PDE4B: variants seen among roughly 807,000 people sequenced by gnomAD.
PDE4B encodes phosphodiesterase 4B, also known as 3',5'-cyclic-AMP phosphodiesterase 4B.
A neutral mutation model predicts 82.2 loss-of-function variants in PDE4B; 20 were observed. The observed-to-expected ratio is 0.24, with a 90% CI of 0.17 to 0.35. The LOEUF (loss-of-function observed/expected upper bound fraction) is 0.35, where lower values mean the gene tolerates loss of function less well. Ranked by LOEUF, PDE4B falls within the 10% of genes least tolerant of loss-of-function variation. The pLI, the probability that PDE4B is intolerant of heterozygous loss-of-function variation, is 1.00. For synonymous variants in PDE4B, 320 were observed against 318.9 expected (o/e 1.00, Z -0.04); for missense variants, 655 against 907.2 (o/e 0.72, Z 3.57).
chr1:66,339,613 G>T (rs760506915), intron 8 of PDE4B, among the ~76,000 whole-genome samples: 1 of 152,160 alleles, frequency 6.6e-6, no homozygotes, highest in Non-Finnish European at 1.5e-5. Flanking sequence ...TGATAAGAGA[G>T]CATAATAGTC....
intron 3 of PDE4B, among the ~76,000 whole-genome samples, chr1:66,084,330 C>T (rs760143374): frequency 9.2e-5 from 14 of 152,076 alleles, no homozygotes; most frequent in Admixed American, 7.9e-4. Flanking sequence ...GCAAATCAAT[C>T]GCTCATAAGC....
intron 3 of PDE4B, among the ~76,000 whole-genome samples, chr1:65,954,024 A>G (rs1168991112): frequency 6.6e-6 from 1 of 151,946 alleles, no homozygotes; most frequent in Non-Finnish European, 1.5e-5. Context: ...TCAGCCTCCC[A>G]GGTAGCTGGG....
At chr1:66,089,281 A>C (rs912173674) in intron 3 of PDE4B, among the ~76,000 whole-genome samples, 14 of 152,154 alleles carry the variant, frequency 9.2e-5, no homozygotes, top group Non-Finnish European at 1.9e-4. Flanking sequence ...CGTAGCCGCT[A>C]TTAAAGTCTG....
intron 3 of PDE4B, among the ~76,000 whole-genome samples, chr1:65,956,269 A>G (rs1649255293): frequency 6.6e-6 from 1 of 152,132 alleles, no homozygotes; most frequent in South Asian, 2.1e-4. Context: ...TTTGAAGAGC[A>G]GTATTTTTAG....
intron 1 of PDE4B, among the ~76,000 whole-genome samples, chr1:65,803,390 A>G (rs1173036444): frequency 6.6e-6 from 1 of 152,228 alleles, no homozygotes; most frequent in African/African-American, 2.4e-5. Flanking sequence ...TAATGTGTAA[A>G]GAAGATGATG....
At chr1:65,894,821 A>G (rs983338495) in intron 1 of PDE4B, among the ~76,000 whole-genome samples, 2 of 152,208 alleles carry the variant, frequency 1.3e-5, no homozygotes, top group Non-Finnish European at 2.9e-5. Flanking sequence ...GTGAGATACT[A>G]CTATACTCCC....
chr1:66,289,243 G>A (rs993230620), intron 7 of PDE4B, among the ~76,000 whole-genome samples: 1 of 152,064 alleles, frequency 6.6e-6, no homozygotes, highest in Admixed American at 6.6e-5. Context: ...TTTCCAACCT[G>A]AGTGACAGAG....
rs536544324 is a variant in PDE4B, at chr1:66,086,930, A to G, written c.282-160530A>G. On this transcript the variant is annotated intron_variant, in intron 3 of 16. Coordinates refer to ENST00000341517, the MANE Select transcript of PDE4B (RefSeq NM_002600.4). ...AAGAGTGATATTTCAGTTAGGTCTTAAAGGACTGAGTGGAAATTCACCAGA... is the reference window on the plus strand; with the variant it reads ...AAGAGTGATATTTCAGTTAGGTCTTGAAGGACTGAGTGGAAATTCACCAGA... 3.9e-5 allele frequency among the ~76,000 whole-genome samples: 6 copies of G among 152,256 alleles called. No individual in the cohort carries two copies. The South Asian group carries it at 1.2e-3, about 32-fold the overall frequency.
At chr1:65,814,196 C>G (rs1187967592) in intron 1 of PDE4B, among the ~76,000 whole-genome samples, 2 of 152,180 alleles carry the variant, frequency 1.3e-5, no homozygotes. Flanking sequence ...GGAAACAGCT[C>G]AGGGTGTGTG....
intron 16 of PDE4B, among the ~76,000 whole-genome samples, chr1:66,369,613 C>T (rs1350717828): frequency 6.6e-6 from 1 of 152,156 alleles, no homozygotes; most frequent in East Asian, 1.9e-4. Flanking sequence ...TATCAGTATC[C>T]ATACAAAGAT....
intron 3 of PDE4B, among the ~76,000 whole-genome samples, chr1:66,012,474 A>T (rs1652540056): frequency 6.6e-6 from 1 of 152,064 alleles, no homozygotes; most frequent in African/African-American, 2.4e-5. Context: ...TAGGAATAAC[A>T]CTTGAGTTTA....
chr1:66,231,513 T>G (rs908247652), intron 3 of PDE4B, among the ~76,000 whole-genome samples: 2 of 152,232 alleles, frequency 1.3e-5, no homozygotes, highest in Non-Finnish European at 2.9e-5. Context: ...TTCAGGGATG[T>G]CTGTATCAAA....
At chr1:66,306,878 G>T (rs1217244596) in intron 7 of PDE4B, among the ~76,000 whole-genome samples, 1 of 152,164 alleles carries the variant, frequency 6.6e-6, no homozygotes, top group Non-Finnish European at 1.5e-5. Flanking sequence ...TAATTGTGTG[G>T]TGCTGTGCAG....
At chr1:65,856,267 G>A (rs1169073947) in intron 1 of PDE4B, among the ~76,000 whole-genome samples, 1 of 152,062 alleles carries the variant, frequency 6.6e-6, no homozygotes, top group Non-Finnish European at 1.5e-5. Flanking sequence ...GTATACATGT[G>A]CCATGGTGGT....
intron 3 of PDE4B, among the ~76,000 whole-genome samples, chr1:65,955,075 G>A (rs2100581154): frequency 6.6e-6 from 1 of 152,138 alleles, no homozygotes; most frequent in Admixed American, 6.5e-5. Flanking sequence ...ACAGACGCTT[G>A]GCACTTGTGG....
In PDE4B at chr1:66,130,518, G is replaced by A. The variant is rs562364083; in HGVS notation, c.282-116942G>A. ...CCTCACAGACCCCCACTTAAGGACC[G>A]AACTACACTCACTCTCCCAGCTGTC... On this transcript the variant is annotated intron_variant, in intron 3 of 16. Transcript: ENST00000341517. Among the ~76,000 whole-genome samples the A allele has an allele frequency of 2.0e-5, 3 of 152,166 alleles. No homozygotes were observed. The South Asian group carries it at 6.2e-4, about 32-fold the overall frequency.
At chr1:66,195,682 C>T (rs966378401) in intron 3 of PDE4B, among the ~76,000 whole-genome samples, 1 of 152,112 alleles carries the variant, frequency 6.6e-6, no homozygotes, top group African/African-American at 2.4e-5. Flanking sequence ...TATTACCTAG[C>T]TCATAAGTTT....
rs1398984451 is a variant in PDE4B, at chr1:66,047,163, C to G, written c.281+128328C>G. 2.6e-5 allele frequency among the ~76,000 whole-genome samples: 4 copies of G among 151,780 alleles called. No individual in the cohort carries two copies. The South Asian group carries it at 6.2e-4, about 24-fold the overall frequency. On this transcript the variant is annotated intron_variant, in intron 3 of 16. Transcript: ENST00000341517. The stretch of plus-strand genomic sequence containing the variant: ...CCATCTTTTAAGCTTTCTGTTCTTC[C>G]TTTGAGAGACAGCCCAGCATAGGGA...
At chr1:65,924,114 G>A (rs1312261853) in intron 3 of PDE4B, among the ~76,000 whole-genome samples, 2 of 53,834 alleles carry the variant, frequency 3.7e-5, no homozygotes, top group African/African-American at 1.3e-4. Flanking sequence ...TCGCTCTGTC[G>A]CCCAGGCTGG....
Sources: gnomAD v4.1 joint callset for allele counts (sites outside exome capture counted in the v4.1 genomes callset) on GRCh38, gnomAD v4.1.1 for gene constraint, MANE v1.5 for transcripts, NCBI Gene and HGNC (gene_info 2026-07-23, HGNC 2026-07-21) for gene names.